Variants in SAXO4 observed in about 807,000 individuals in gnomAD.
SAXO4 encodes the protein stabilizer of axonemal microtubules 4.
At chr11:61,483,172 T>C in the SAXO4 span, among the ~76,000 whole-genome samples, 1 of 142,420 alleles carries the variant, frequency 7.0e-6, no homozygotes, top group African/African-American at 2.6e-5. Flanking sequence ...TTCTTTTTTT[T>C]TTTTTTTTTT....
At chr11:61,487,049 T>C in the SAXO4 span, 5 of 1,614,022 alleles carry the variant, frequency 3.1e-6, no homozygotes, top group African/African-American at 1.3e-5. Flanking sequence ...GCCGGGAGAC[T>C]GTGGGGAAAA....
the SAXO4 span, chr11:61,482,293 C>A: frequency 8.7e-6 from 14 of 1,610,362 alleles, no homozygotes; most frequent in African/African-American, 1.3e-5. Context: ...GTCTGTCTCC[C>A]CGTTACCCCT....
At chr11:61,482,393 A>G in the SAXO4 span, 24 of 1,614,060 alleles carry the variant, frequency 1.5e-5, no homozygotes, top group African/African-American at 3.2e-4. Context: ...TCTCATGCCA[A>G]GCCAGTCTGG....
the SAXO4 span, chr11:61,481,653 T>C: frequency 1.9e-6 from 1 of 523,282 alleles, no homozygotes; most frequent in Non-Finnish European, 3.3e-6. Context: ...ACTTGGGAGC[T>C]GGGGCAGAGA....
chr11:61,484,916 A>C, the SAXO4 span: 1 of 1,414,464 alleles, frequency 7.1e-7, no homozygotes, highest in Non-Finnish European at 9.4e-7. Context: ...CTCACCCAAG[A>C]AGCCAGCTCA....
At chr11:61,484,847 G>A in the SAXO4 span, 11 of 1,541,350 alleles carry the variant, frequency 7.1e-6, no homozygotes, top group Admixed American at 1.4e-4. Context: ...GGGCTTCGGG[G>A]TGGGGCAGAG....
the SAXO4 span, chr11:61,489,276 G>C: frequency 5.3e-6 from 1 of 188,768 alleles, no homozygotes; most frequent in African/African-American, 2.3e-5. Context: ...CTGAGCTCCT[G>C]CTGGCTGTCA....
the SAXO4 span, chr11:61,482,540 A>G: frequency 6.4e-7 from 1 of 1,568,248 alleles, no homozygotes; most frequent in Non-Finnish European, 8.8e-7. Context: ...GTCCTGGGTG[A>G]CTCAGGGCAC....
At chr11:61,485,300 G>A in the SAXO4 span, 1 of 1,587,510 alleles carries the variant, frequency 6.3e-7, no homozygotes, top group Non-Finnish European at 8.6e-7. Flanking sequence ...GGGCCCTGGT[G>A]GGTCAGTGCC....
chr11:61,489,928 T>G, the SAXO4 span: 1 of 1,611,474 alleles, frequency 6.2e-7, no homozygotes, highest in South Asian at 1.1e-5. Flanking sequence ...CTGCGGCACC[T>G]GCATCCCCAC....
At chr11:61,487,341 G>C in the SAXO4 span, 65 of 1,018,070 alleles carry the variant, frequency 6.4e-5, 1 homozygote, top group South Asian at 1.6e-4. Flanking sequence ...GATCAATGCT[G>C]AGTGAATATG....
At chr11:61,487,188 A>G in the SAXO4 span, 1 of 1,614,022 alleles carries the variant, frequency 6.2e-7, no homozygotes, top group South Asian at 1.1e-5. Context: ...GTATGTCCGG[A>G]GCCCCTGTGA....
At chr11:61,490,490 C>A in the SAXO4 span, 1 of 1,613,490 alleles carries the variant, frequency 6.2e-7, no homozygotes, top group Non-Finnish European at 8.5e-7. Context: ...TCTCCTCTTG[C>A]CTCCCTGCAG....
chr11:61,484,162 G>T, the SAXO4 span, among the ~76,000 whole-genome samples: 11 of 152,210 alleles, frequency 7.2e-5, no homozygotes, highest in Non-Finnish European at 1.0e-4. Context: ...AGAATTGATT[G>T]AACTCAGGAG....
chr11:61,484,346 G>A, the SAXO4 span, among the ~76,000 whole-genome samples: 46 of 152,312 alleles, frequency 3.0e-4, no homozygotes, highest in African/African-American at 1.1e-3. Flanking sequence ...AAAACTTGAG[G>A]GAGGCCAGCT....
chr11:61,483,208 C>G, the SAXO4 span, among the ~76,000 whole-genome samples: 2 of 148,002 alleles, frequency 1.4e-5, no homozygotes, highest in East Asian at 2.0e-4. Flanking sequence ...ACTCTGTTGC[C>G]CAGGCTGGAG....
chr11:61,486,543 T>C, the SAXO4 span: 5 of 1,614,094 alleles, frequency 3.1e-6, no homozygotes, highest in Non-Finnish European at 4.2e-6. Flanking sequence ...TTCCTACCTG[T>C]GTTGGCCAGA....
the SAXO4 span, chr11:61,485,216 C>T: frequency 1.3e-6 from 1 of 793,342 alleles, no homozygotes; most frequent in South Asian, 1.6e-5. Flanking sequence ...GTCCAGGGTG[C>T]TGTACTGGCC....
chr11:61,487,720 C>T, the SAXO4 span, among the ~76,000 whole-genome samples: 1 of 152,254 alleles, frequency 6.6e-6, no homozygotes, highest in Non-Finnish European at 1.5e-5. Flanking sequence ...GGCTGGTGGG[C>T]ATGGAAAGAA....
Sources: gnomAD v4.1 joint callset for allele counts (sites outside exome capture counted in the v4.1 genomes callset) on GRCh38, gnomAD v4.1.1 for gene constraint, MANE v1.5 for transcripts, NCBI Gene and HGNC (gene_info 2026-07-23, HGNC 2026-07-21) for gene names.